FAM90A26: variants seen among roughly 807,000 people sequenced by gnomAD.
FAM90A26 encodes the protein protein FAM90A26.
At chr4:9,172,804 C>G (rs190247359) in intron 3 of FAM90A26, among the ~76,000 whole-genome samples, 293 of 23,942 alleles carry the variant, frequency 0.012, 139 homozygotes, top group African/African-American at 0.073. Context: ...TGTCTTCTAC[C>G]AGAGTGAATC....
Position 9,175,308 on chromosome 4 carries a change from C to T in FAM90A26, c.536C>T (p.Ala179Val), listed in dbSNP as rs188842431. The T allele has an allele frequency of 7.6e-3, 2,128 of 280,254 alleles. 557 individuals are homozygous for T. In the East Asian group the frequency reaches 0.14, roughly 18 times the overall value. The allele number at this position is 280,254 out of a possible 1,614,324, so 17.4% of individuals were successfully genotyped here. ...ACCGAAATGTCTGACAGGGGCTCCG[C>T]CTTGGCTTCACTGTCTCCCCTCAGA... The change falls in exon 7 of 7, where the codon GCC becomes GTC. Residue 179 changes from alanine to valine, a missense_variant. By Grantham distance (64) the Ala-to-Val change is moderately conservative. Transcript: ENST00000512047.
rs748922397 is a variant in FAM90A26, at chr4:9,173,341, G to C, written c.123+46G>C. On this transcript the variant is annotated intron_variant, in intron 4 of 6. Transcript: ENST00000512047. ...CCTGTGTATCGGGGTGGGGGTGGGG[G>C]CCGGGGGAGGGGGTGTCACACGGTC... 1.0e-3 allele frequency: 105 copies of C among 105,258 alleles called. 48 individuals carry two copies. The Middle Eastern group carries it at 0.061, about 61-fold the overall frequency. The allele number at this position is 105,258 out of a possible 1,614,324, so 6.5% of individuals were successfully genotyped here.
At chr4:9,171,444 C>A in intron 1 of FAM90A26, 88 bp from the exon 2 acceptor site, 1 of 24,504 alleles carries the variant, frequency 4.1e-5, no homozygotes. Context: ...CCCTGGACTC[C>A]AATGCCTGGA....
At chr4:9,176,468 C>A in exon 7 of FAM90A26, 5 of 58,858 alleles carry the variant, frequency 8.5e-5, no homozygotes, top group South Asian at 4.2e-4. Flanking sequence ...AGTCAGACTT[C>A]CGCTGGGACG....
chr4:9,171,179 CAAAAAAAAA>C lies in FAM90A26; in HGVS notation c.-420-335_-420-327del, dbSNP rs775199927. Reference sequence around the variant, plus strand: ...CTGGGCGACAGAGACTTTGTCTCAACAAAAAAAAAAAAAAAAAAAAAAAAAATAGACACC... The same window carrying C: ...CTGGGCGACAGAGACTTTGTCTCAACAAAAAAAAAAAAAAAAATAGACACC... On this transcript the variant is annotated intron_variant, in intron 1 of 6. Coordinates refer to ENST00000512047, the Ensembl canonical transcript of FAM90A26. Among the ~76,000 whole-genome samples the C allele has an allele frequency of 2.0e-3, 7 of 3,438 alleles. 2 individuals are homozygous for C. Among genetic ancestry groups the C allele is most frequent in the African/African-American group, 2.1e-3 (1 of 480 alleles). 2.3% of individuals were successfully genotyped at this position (3,438 alleles called of 152,430 possible). A position where few individuals can be genotyped will look rare whatever the true frequency, so the allele number is the denominator to read the frequency against.
At position 9,173,269 on chromosome 4, in the gene FAM90A26, C is replaced by A. The variant is rs1450913485; in HGVS notation, c.97C>A (p.Pro33Thr). Residue 33 changes from proline to threonine, a missense_variant, in exon 4 of 7, where the codon CCC (proline) becomes ACC (threonine). Coordinates refer to ENST00000512047, the Ensembl canonical transcript of FAM90A26. Reference sequence around the variant, plus strand: ...GAGAGCCCCAGTTGGGCCAAGGGCTCCCCCGCCCGATGAAGAAGATCCCAG... The same window carrying A: ...GAGAGCCCCAGTTGGGCCAAGGGCTACCCCGCCCGATGAAGAAGATCCCAG... 1.2e-5 allele frequency: 3 copies of A among 243,220 alleles called. 1 individual carries two copies. Among genetic ancestry groups the A allele is most frequent in the Admixed American group, 1.5e-4 (2 of 13,144 alleles). 15.1% of individuals were successfully genotyped at this position (243,220 alleles called of 1,614,324 possible).
At chr4:9,172,429 A>G (rs188559843) in intron 3 of FAM90A26, among the ~76,000 whole-genome samples, 3 of 40,260 alleles carry the variant, frequency 7.5e-5, no homozygotes, top group African/African-American at 2.4e-4. Context: ...GGACTTTGGA[A>G]AAAAGGGTGG....
chr4:9,172,513 G>C (rs191100790), intron 3 of FAM90A26, among the ~76,000 whole-genome samples: 1,703 of 39,880 alleles, frequency 0.043, 175 homozygotes, highest in African/African-American at 0.14. Flanking sequence ...AATTCGTGTG[G>C]CATGTGTAAA....
chr4:9,173,899 G>A, exon 5 of FAM90A26: 1 of 251,964 alleles, frequency 4.0e-6, no homozygotes, highest in Non-Finnish European at 5.9e-6. Context: ...AAAAAGGAAG[G>A]GAAGGAAAAC....
intron 3 of FAM90A26, among the ~76,000 whole-genome samples, chr4:9,172,487 A>G (rs184112527): frequency 4.9e-5 from 2 of 41,194 alleles, no homozygotes; most frequent in Admixed American, 4.9e-4. Flanking sequence ...GCACTTGTTC[A>G]CCGTTTGTTT....
At chr4:9,173,188 G>A in exon 4 of FAM90A26, 1 of 279,186 alleles carries the variant, frequency 3.6e-6, no homozygotes, top group South Asian at 4.2e-5. Context: ...GGCATGTCGT[G>A]ACCCCAAACC....
At position 9,175,026 on chromosome 4, in the gene FAM90A26, G is replaced by A. The variant is rs1272270689; in HGVS notation, c.433-179G>A. Reference sequence around the variant, plus strand: ...GATGTGCTTAGATCAGCTATACATAGCTCGAGAGCGCATCTTTCATGTGTC... The same window carrying A: ...GATGTGCTTAGATCAGCTATACATAACTCGAGAGCGCATCTTTCATGTGTC... On this transcript the variant is annotated intron_variant, in intron 6 of 6. Coordinates refer to ENST00000512047, the Ensembl canonical transcript of FAM90A26. 1.7e-4 allele frequency among the ~76,000 whole-genome samples: 4 copies of A among 23,920 alleles called. 2 individuals carry two copies. In the East Asian group the frequency reaches 3.9e-3, roughly 23 times the overall value. The allele number at this position is 23,920 out of a possible 152,430, so 15.7% of individuals were successfully genotyped here.
intron 3 of FAM90A26, among the ~76,000 whole-genome samples, chr4:9,172,600 G>A (rs1411472838): frequency 7.6e-5 from 2 of 26,210 alleles, no homozygotes; most frequent in African/African-American, 3.9e-4. Context: ...ACCTGCTAGT[G>A]TGGTAGAGAG....
At position 9,172,471 on chromosome 4, in the gene FAM90A26, G is replaced by T. The variant is rs1358937728; in HGVS notation, c.-57+302G>T. Among the ~76,000 whole-genome samples the T allele has an allele frequency of 1.3e-4, 6 of 44,560 alleles. 3 individuals are homozygous for T. The East Asian group carries it at 4.8e-3, about 35-fold the overall frequency. 29.2% of individuals were successfully genotyped at this position (44,560 alleles called of 152,430 possible). On this transcript the variant is annotated intron_variant, in intron 3 of 6. Coordinates refer to ENST00000512047, the Ensembl canonical transcript of FAM90A26. The stretch of plus-strand genomic sequence containing the variant: ...CTTCAGCCGTGTAAGACGTCGATAC[G>T]ATATGGCACTTGTTCACCGTTTGTT...
chr4:9,173,219 G>A lies in FAM90A26; in HGVS notation c.47G>A (p.Arg16Lys). ...AAACCTGGGGCAAAGAGACTGGTGA[G>A]AGCCCAGACCCTCCAGAAGCAGCGG... Residue 16 changes from arginine to lysine, a missense_variant, in exon 4 of 7, where the codon AGA becomes AAA. By Grantham distance (26) the Arg-to-Lys change is conservative. Coordinates refer to ENST00000512047, the Ensembl canonical transcript of FAM90A26. 2 of 270,700 alleles carry A rather than the reference G, an allele frequency of 7.4e-6. 1 individual carries two copies. Among genetic ancestry groups the A allele is most frequent in the Non-Finnish European group, 1.1e-5 (2 of 190,248 alleles). The allele number at this position is 270,700 out of a possible 1,614,324, so 16.8% of individuals were successfully genotyped here.
intron 3 of FAM90A26, among the ~76,000 whole-genome samples, chr4:9,172,398 A>G (rs371419083): frequency 0.094 from 2,771 of 29,488 alleles, 324 homozygotes; most frequent in African/African-American, 0.14. Flanking sequence ...AGCATGCTGA[A>G]TTGGTGGGTA....
At chr4:9,172,559 A>T (rs369283687) in intron 3 of FAM90A26, among the ~76,000 whole-genome samples, 1,600 of 30,952 alleles carry the variant, frequency 0.052, 193 homozygotes, top group Middle Eastern at 0.074. Context: ...GCTGGAGCTA[A>T]AGCCAAAAAG....
intron 3 of FAM90A26, among the ~76,000 whole-genome samples, chr4:9,172,433 A>G (rs1713451153): frequency 2.4e-5 from 1 of 42,268 alleles, no homozygotes; most frequent in African/African-American, 7.1e-5. Context: ...TTTGGAAAAA[A>G]GGGTGGTTTG....
Position 9,173,169 on chromosome 4 carries a change from G to A in FAM90A26, c.-4G>A. ...GGCGGTCATAAAACCCCCAGGAGAC[G>A]AAGATGATGGCATGTCGTGACCCCA... On this transcript the variant is annotated 5_prime_UTR_variant, in exon 4 of 7. Coordinates refer to ENST00000512047, the Ensembl canonical transcript of FAM90A26. 2 of 277,646 alleles carry A rather than the reference G, an allele frequency of 7.2e-6. 1 individual carries two copies. Among genetic ancestry groups the A allele is most frequent in the Non-Finnish European group, 1.0e-5 (2 of 195,952 alleles). The allele number at this position is 277,646 out of a possible 1,614,324, so 17.2% of individuals were successfully genotyped here.
Sources: gnomAD v4.1 joint callset for allele counts (sites outside exome capture counted in the v4.1 genomes callset) on GRCh38, gnomAD v4.1.1 for gene constraint, MANE v1.5 for transcripts, NCBI Gene and HGNC (gene_info 2026-07-23, HGNC 2026-07-21) for gene names.